The following FYN variants were observed in gnomAD, a reference collection of about 807,000 sequenced individuals.
FYN encodes the protein FYN proto-oncogene, Src family tyrosine kinase.
A neutral mutation model predicts 70.2 loss-of-function variants in FYN; 10 were observed. That is an observed-to-expected ratio of 0.14 (90% CI 0.09 to 0.24). The LOEUF is 0.24. Among genes scored for constraint, FYN ranks in the 10% least tolerant of loss-of-function variants. The pLI, the probability that FYN is intolerant of heterozygous loss-of-function variation, is 1.00. For synonymous variants in FYN, 236 were observed against 248.6 expected (o/e 0.95, Z 0.48); for missense variants, 319 against 673.1 (o/e 0.47, Z 5.82).
chr6:111,678,108 A>ATGTGTGTGTGTG (rs57015847), intron 12 of FYN, among the ~76,000 whole-genome samples: 3,733 of 93,786 alleles, frequency 0.04, 72 homozygotes, highest in East Asian at 0.064. Context: ...AGGCCATAAT[A>ATGTGTGTGTGTG]TGTGTGTGTG....
At chr6:111,730,721 T>C (rs1320447556) in intron 3 of FYN, among the ~76,000 whole-genome samples, 2 of 152,212 alleles carry the variant, frequency 1.3e-5, no homozygotes, top group African/African-American at 4.8e-5. Context: ...GCAACACTGG[T>C]TCATGTGACC....
At chr6:111,722,996 G>A (rs1475965772) in intron 3 of FYN, among the ~76,000 whole-genome samples, 2 of 152,182 alleles carry the variant, frequency 1.3e-5, no homozygotes, top group Non-Finnish European at 2.9e-5. Flanking sequence ...AGAGTGACAT[G>A]AAGTGCTCTG....
chr6:111,706,653 T>C (rs1239925052), intron 6 of FYN, among the ~76,000 whole-genome samples: 4 of 152,216 alleles, frequency 2.6e-5, no homozygotes, highest in East Asian at 1.9e-4. Flanking sequence ...TGATAGTTAA[T>C]TGCATATGTA....
chr6:111,871,696 C>G (rs1562553029), intron 1 of FYN, among the ~76,000 whole-genome samples: 1 of 152,250 alleles, frequency 6.6e-6, no homozygotes, highest in Non-Finnish European at 1.5e-5. Flanking sequence ...GTGACCCCCA[C>G]ACCAATCTAC....
chr6:111,732,837 C>T (rs1300050516), intron 3 of FYN, among the ~76,000 whole-genome samples: 1 of 152,106 alleles, frequency 6.6e-6, no homozygotes, highest in Admixed American at 6.5e-5. Flanking sequence ...ACAGCAGGAC[C>T]ACAGGATGGA....
At chr6:111,696,594 A>C in intron 9 of FYN, 138 bp from the exon 10 acceptor site, 1 of 584,864 alleles carries the variant, frequency 1.7e-6, no homozygotes, top group Non-Finnish European at 2.8e-6. Context: ...AAAGACATTC[A>C]ATTGCAAGGA....
chr6:111,718,249 C>A (rs1036427946), intron 4 of FYN, among the ~76,000 whole-genome samples: 3 of 152,210 alleles, frequency 2.0e-5, no homozygotes, highest in African/African-American at 7.2e-5. Context: ...CAGAGAAACA[C>A]AGACGTTGTT....
intron 2 of FYN, among the ~76,000 whole-genome samples, chr6:111,834,660 A>C (rs1187092512): frequency 1.3e-5 from 2 of 152,178 alleles, no homozygotes; most frequent in South Asian, 2.1e-4. Context: ...CCCATTTCTA[A>C]TCTGTCTGCC....
At chr6:111,725,980 A>G (rs1451576708) in intron 3 of FYN, among the ~76,000 whole-genome samples, 1 of 152,172 alleles carries the variant, frequency 6.6e-6, no homozygotes, top group African/African-American at 2.4e-5. Flanking sequence ...ATTAAAAGTG[A>G]GAGAGGCCTT....
At chr6:111,701,504 G>C (rs561193992) in intron 8 of FYN, among the ~76,000 whole-genome samples, 1 of 152,288 alleles carries the variant, frequency 6.6e-6, no homozygotes, top group East Asian at 1.9e-4. Flanking sequence ...TTGTGTGAGA[G>C]AGAAAGAGGG....
At chr6:111,852,974 CACA>C (rs1407733713) in intron 1 of FYN, among the ~76,000 whole-genome samples, 5 of 152,184 alleles carry the variant, frequency 3.3e-5, no homozygotes, top group Admixed American at 6.5e-5. Flanking sequence ...TGTGCAAGAA[CACA>C]ACAAGGTTTC....
intron 3 of FYN, among the ~76,000 whole-genome samples, chr6:111,724,180 G>T (rs928023046): frequency 6.6e-6 from 1 of 152,102 alleles, no homozygotes; most frequent in East Asian, 1.9e-4. Context: ...AAGAATTGCC[G>T]GACACAGGAT....
At chr6:111,678,152 T>G (rs1379307828) in intron 12 of FYN, among the ~76,000 whole-genome samples, 4 of 134,906 alleles carry the variant, frequency 3.0e-5, no homozygotes, top group African/African-American at 8.9e-5. Context: ...GTGTGTGTGG[T>G]GTGTGTACTT....
intron 2 of FYN, among the ~76,000 whole-genome samples, chr6:111,790,285 CACACACACACACAT>C (rs922033619): frequency 6.6e-6 from 1 of 150,964 alleles, no homozygotes; most frequent in African/African-American, 2.4e-5. Flanking sequence ...CACACACACA[CACACACACACACAT>C]TCTGAAGGGC....
intron 13 of FYN, among the ~76,000 whole-genome samples, chr6:111,672,339 G>C (rs1562462393): frequency 6.6e-6 from 1 of 152,208 alleles, no homozygotes; most frequent in Non-Finnish European, 1.5e-5. Flanking sequence ...AGTTATCACA[G>C]CCCACTGCAG....
chr6:111,695,131 G>A (rs1583318889), intron 10 of FYN, among the ~76,000 whole-genome samples: 1 of 152,172 alleles, frequency 6.6e-6, no homozygotes, highest in Admixed American at 6.5e-5. Flanking sequence ...AATAACACAA[G>A]GGAACTTGTT....
At chr6:111,818,843 C>G (rs1307230020) in intron 2 of FYN, 1 of 152,228 alleles carries the variant, frequency 6.6e-6, no homozygotes, top group Non-Finnish European at 1.5e-5. Context: ...TCATTTGACC[C>G]TCACATTTCT....
At chr6:111,706,965 G>A (rs1053581789) in intron 6 of FYN, among the ~76,000 whole-genome samples, 1 of 152,178 alleles carries the variant, frequency 6.6e-6, no homozygotes, top group Non-Finnish European at 1.5e-5. Context: ...TCCTCTTAGA[G>A]GAAATACAAA....
chr6:111,705,290 G>A (rs1800020270), intron 6 of FYN, among the ~76,000 whole-genome samples: 1 of 151,692 alleles, frequency 6.6e-6, no homozygotes, highest in African/African-American at 2.4e-5. Flanking sequence ...CTTGTATTTT[G>A]TTTTCCTCCC....
Sources: allele counts gnomAD v4.1 joint callset (sites outside exome capture counted in the v4.1 genomes callset), GRCh38; gene constraint gnomAD v4.1.1; transcripts MANE v1.5; gene names NCBI Gene and HGNC (gene_info 2026-07-23, HGNC 2026-07-21).